Variants in SAMSN1 observed in about 807,000 individuals in gnomAD.
The protein encoded by SAMSN1 is SAM domain, SH3 domain and nuclear localization signals 1.
A neutral mutation model predicts 42.0 loss-of-function variants in SAMSN1; 31 were observed. That is an observed-to-expected ratio of 0.74 (90% confidence interval 0.55 to 1.00). The LOEUF is 1.00. SAMSN1 is among the 50% of genes least tolerant of loss of function. The pLI is 0.00. For missense variants in SAMSN1, 464 were observed against 439.4 expected (o/e 1.06, Z -0.50); for synonymous variants, 178 against 151.9 (o/e 1.17, Z -1.26).
intron 6 of SAMSN1, among the ~76,000 whole-genome samples, chr21:14,594,999 T>C (rs539057674): frequency 6.6e-6 from 1 of 152,260 alleles, no homozygotes; most frequent in Admixed American, 6.5e-5. Context: ...GAGCAGGTTT[T>C]CTTACATTTC....
At chr21:14,648,264 C>G (rs975687009) in intron 1 of SAMSN1, among the ~76,000 whole-genome samples, 1 of 152,088 alleles carries the variant, frequency 6.6e-6, no homozygotes, top group South Asian at 2.1e-4. Context: ...ATCCAAAAAT[C>G]AATTCAAGAT....
chr21:14,532,660 C>T (rs958161703), intron 1 of SAMSN1, among the ~76,000 whole-genome samples: 7 of 152,126 alleles, frequency 4.6e-5, no homozygotes, highest in African/African-American at 1.7e-4. Flanking sequence ...GAACATTTAT[C>T]TTTGAAGGAA....
At chr21:14,604,426 C>G (rs934896695) in intron 5 of SAMSN1, among the ~76,000 whole-genome samples, 1 of 152,066 alleles carries the variant, frequency 6.6e-6, no homozygotes, top group Admixed American at 6.6e-5. Context: ...GTTAAAGAAG[C>G]CTTGTATAAG....
chr21:14,559,410 C>T (rs914068928), intron 2 of SAMSN1, among the ~76,000 whole-genome samples: 30 of 152,250 alleles, frequency 2.0e-4, no homozygotes, highest in Admixed American at 1.7e-3. Context: ...CTTTGATCAC[C>T]ACCTTGGAAA....
intron 1 of SAMSN1, among the ~76,000 whole-genome samples, chr21:14,538,654 G>A (rs1441070831): frequency 6.6e-6 from 1 of 152,152 alleles, no homozygotes; most frequent in East Asian, 1.9e-4. Context: ...GTACAACTAT[G>A]TGTCATCCTT....
At chr21:14,647,125 G>A (rs1231439758) in intron 1 of SAMSN1, among the ~76,000 whole-genome samples, 1 of 152,078 alleles carries the variant, frequency 6.6e-6, no homozygotes, top group African/African-American at 2.4e-5. Flanking sequence ...ACATAGACTG[G>A]CTGCATGAAT....
At chr21:14,561,813 AG>A (rs1346490581) in intron 2 of SAMSN1, among the ~76,000 whole-genome samples, 1 of 152,262 alleles carries the variant, frequency 6.6e-6, no homozygotes, top group Non-Finnish European at 1.5e-5. Context: ...TGACCATATA[AG>A]AACAAACAGG....
intron 1 of SAMSN1, among the ~76,000 whole-genome samples, chr21:14,542,751 C>A (rs997590388): frequency 6.6e-6 from 1 of 152,014 alleles, no homozygotes; most frequent in Non-Finnish European, 1.5e-5. Context: ...TTGAGACCAG[C>A]CTGAGCAACA....
intron 2 of SAMSN1, among the ~76,000 whole-genome samples, chr21:14,577,226 ATATATATGTGTG>A (rs1256947754): frequency 1.2e-4 from 5 of 42,096 alleles, no homozygotes; most frequent in African/African-American, 6.6e-4. Flanking sequence ...GGGCTAATTT[ATATATATGTGTG>A]TATATATATA....
At chr21:14,629,032 A>G (rs1046496096) in intron 2 of SAMSN1, among the ~76,000 whole-genome samples, 7 of 152,152 alleles carry the variant, frequency 4.6e-5, no homozygotes, top group Non-Finnish European at 1.0e-4. Context: ...TGTCTTCACT[A>G]CTACCTGATA....
intron 2 of SAMSN1, among the ~76,000 whole-genome samples, chr21:14,617,254 A>T (rs1367538302): frequency 1.3e-5 from 2 of 152,180 alleles, no homozygotes; most frequent in Non-Finnish European, 2.9e-5. Context: ...TAGTGGTCAG[A>T]TGGACCACTC....
intron 1 of SAMSN1, among the ~76,000 whole-genome samples, chr21:14,541,817 C>A (rs192910076): frequency 1.5e-3 from 225 of 152,088 alleles, no homozygotes; most frequent in African/African-American, 4.9e-3. Flanking sequence ...TCTAGCAAAA[C>A]CCCCATGTCT....
At chr21:14,601,430 T>C (rs1467132605) in intron 6 of SAMSN1, among the ~76,000 whole-genome samples, 4 of 152,176 alleles carry the variant, frequency 2.6e-5, no homozygotes, top group Admixed American at 2.0e-4. Context: ...AGAAGTTCAG[T>C]TCTAAATTTT....
intron 1 of SAMSN1, among the ~76,000 whole-genome samples, chr21:14,543,724 A>AT (rs1433469565): frequency 6.6e-6 from 1 of 152,144 alleles, no homozygotes; most frequent in Non-Finnish European, 1.5e-5. Flanking sequence ...TATTTTCTTC[A>AT]TTTTTTATAT....
At chr21:14,599,562 TG>T (rs750481705) in intron 6 of SAMSN1, among the ~76,000 whole-genome samples, 2 of 152,186 alleles carry the variant, frequency 1.3e-5, no homozygotes, top group East Asian at 3.9e-4. Context: ...GGCAGGTGTT[TG>T]GGTTATGGGG....
chr21:14,594,228 T>A (rs1384183262), intron 6 of SAMSN1: 1 of 587,948 alleles, frequency 1.7e-6, no homozygotes, highest in Non-Finnish European at 3.0e-6. Flanking sequence ...GTACACTGAT[T>A]AATGTTTCAT....
intron 2 of SAMSN1, among the ~76,000 whole-genome samples, chr21:14,572,955 T>C (rs1981346916): frequency 6.6e-6 from 1 of 152,296 alleles, no homozygotes; most frequent in African/African-American, 2.4e-5. Context: ...GATTTCTACA[T>C]ATAAAATAGA....
chr21:14,487,228 A>G (rs1300828212), intron 7 of SAMSN1, among the ~76,000 whole-genome samples: 1 of 152,190 alleles, frequency 6.6e-6, no homozygotes, highest in Non-Finnish European at 1.5e-5. Flanking sequence ...CAGTGAGAAT[A>G]AAGTAAATCC....
chr21:14,557,380 T>G (rs1980795130), intron 2 of SAMSN1, among the ~76,000 whole-genome samples: 1 of 152,168 alleles, frequency 6.6e-6, no homozygotes, highest in African/African-American at 2.4e-5. Flanking sequence ...CAAATACTAA[T>G]TTCATCCTCT....
Sources: gnomAD v4.1 joint callset for allele counts (sites outside exome capture counted in the v4.1 genomes callset) on GRCh38, gnomAD v4.1.1 for gene constraint, MANE v1.5 for transcripts, NCBI Gene and HGNC (gene_info 2026-07-23, HGNC 2026-07-21) for gene names.